The following TNPO1 variants were observed in gnomAD, a reference collection of about 807,000 sequenced individuals.
The protein encoded by TNPO1 is transportin-1.
TNPO1 carries 8 observed loss-of-function variants against 119.5 expected under a neutral mutation model. That is an observed-to-expected ratio of 0.07 (90% CI 0.04 to 0.12). The LOEUF is 0.12. TNPO1 is among the 10% of genes least tolerant of loss of function. The pLI is 1.00. For synonymous variants in TNPO1, 362 were observed against 363.0 expected (o/e 1.00, Z 0.03); for missense variants, 576 against 1,089.8 (o/e 0.53, Z 6.64).
chr5:72,848,800 G>T (rs1235161404), intron 2 of TNPO1, among the ~76,000 whole-genome samples: 2 of 148,852 alleles, frequency 1.3e-5, no homozygotes, highest in African/African-American at 4.9e-5. Flanking sequence ...CGACATGTGC[G>T]CGGGCCGGGC....
intron 1 of TNPO1, among the ~76,000 whole-genome samples, chr5:72,837,201 G>A (rs1744723489): frequency 6.6e-6 from 1 of 152,194 alleles, no homozygotes; most frequent in Admixed American, 6.5e-5. Context: ...TTTAGATTGG[G>A]TAATTTGTAA....
At chr5:72,882,376 A>C in intron 9 of TNPO1, 91 bp from the exon 10 acceptor site, 1 of 889,568 alleles carries the variant, frequency 1.1e-6, no homozygotes, top group Non-Finnish European at 1.7e-6. Flanking sequence ...TGATTATCTC[A>C]TTGGTTTTAT....
At chr5:72,854,194 C>A (rs1461147163) in intron 3 of TNPO1, among the ~76,000 whole-genome samples, 1 of 152,090 alleles carries the variant, frequency 6.6e-6, no homozygotes, top group African/African-American at 2.4e-5. Flanking sequence ...CAGTTTTTAA[C>A]TTTTAAGAGA....
intron 6 of TNPO1, among the ~76,000 whole-genome samples, chr5:72,867,438 A>C (rs1025425722): frequency 1.3e-5 from 2 of 152,200 alleles, no homozygotes; most frequent in Non-Finnish European, 2.9e-5. Context: ...AGAGTATAGG[A>C]AACTATATTG....
chr5:72,854,252 C>T lies in TNPO1; in HGVS notation c.206-1522C>T, dbSNP rs1251985541. Among the ~76,000 whole-genome samples the T allele has an allele frequency of 2.0e-5, 3 of 152,228 alleles. 1 individual carries two copies. The highest frequency in any genetic ancestry group is 4.1e-4 in the South Asian group (2 of 4,824). On this transcript the variant is annotated intron_variant, in intron 3 of 24. Coordinates refer to ENST00000337273, the MANE Select transcript of TNPO1 (RefSeq NM_002270.4). ...TTTGTTTTGGTTTGAGACGGAGTCT[C>T]GCAATGGGTTGTAATTGAAAATGGA...
intron 6 of TNPO1, among the ~76,000 whole-genome samples, chr5:72,868,971 G>C (rs1478072654): frequency 6.6e-6 from 1 of 152,056 alleles, no homozygotes; most frequent in Non-Finnish European, 1.5e-5. Flanking sequence ...TCGTGCCATT[G>C]CAACTCCAGC....
intron 1 of TNPO1, among the ~76,000 whole-genome samples, chr5:72,827,932 AG>A (rs1000509216): frequency 1.8e-4 from 28 of 151,406 alleles, no homozygotes; most frequent in African/African-American, 6.5e-4. Context: ...AAAAAAAAAA[AG>A]AGTTTTCTTT....
At chr5:72,875,594 A>C (rs781734400) in intron 7 of TNPO1, 21 bp from the exon 8 acceptor site, 2 of 1,607,580 alleles carry the variant, frequency 1.2e-6, no homozygotes, top group East Asian at 4.5e-5. Flanking sequence ...AAACTAGAAA[A>C]AATTATTTCT....
At chr5:72,883,503 G>A (rs966010287) in intron 11 of TNPO1, among the ~76,000 whole-genome samples, 1 of 152,178 alleles carries the variant, frequency 6.6e-6, no homozygotes, top group African/African-American at 2.4e-5. Context: ...GACATTTCAT[G>A]TAAATGGAGT....
intron 24 of TNPO1, 101 bp from the exon 25 acceptor site, chr5:72,908,608 A>G (rs1438903893): frequency 6.4e-6 from 1 of 156,096 alleles, no homozygotes; most frequent in Non-Finnish European, 1.4e-5. Flanking sequence ...TTTTCTTTAT[A>G]GGTAAAGATA....
intron 8 of TNPO1, among the ~76,000 whole-genome samples, chr5:72,876,585 A>C (rs1177349571): frequency 6.6e-6 from 1 of 152,196 alleles, no homozygotes; most frequent in Admixed American, 6.5e-5. Flanking sequence ...GTAGTTGTAG[A>C]GTCTTCATTT....
intron 9 of TNPO1, among the ~76,000 whole-genome samples, chr5:72,879,742 T>C (rs575879660): frequency 1.3e-5 from 2 of 152,350 alleles, no homozygotes; most frequent in South Asian, 4.1e-4. Flanking sequence ...TCAACATCAA[T>C]CTGATGCTGA....
chr5:72,888,050 C>T lies in TNPO1; in HGVS notation c.1304-28C>T, dbSNP rs545796546. On this transcript the variant is annotated intron_variant, in intron 12 of 24. Coordinates refer to ENST00000337273, the MANE Select transcript of TNPO1 (RefSeq NM_002270.4). ...CAAAATAATGTTAACTAAATTTTAGCATTTTGAAAGATTTATTTTTTTTCT... is the reference window on the plus strand; with the variant it reads ...CAAAATAATGTTAACTAAATTTTAGTATTTTGAAAGATTTATTTTTTTTCT... The T allele has an allele frequency of 1.9e-6, 3 of 1,591,112 alleles. No individual in the cohort carries two copies. In the South Asian group the frequency reaches 3.4e-5, roughly 18 times the overall value.
intron 24 of TNPO1, among the ~76,000 whole-genome samples, chr5:72,907,026 A>C (rs954906812): frequency 2.6e-4 from 40 of 152,172 alleles, no homozygotes; most frequent in South Asian, 2.1e-4. Context: ...CCAAGCTAAA[A>C]TTTAAATCTG....
At chr5:72,838,089 C>T (rs1411245883) in intron 1 of TNPO1, among the ~76,000 whole-genome samples, 1 of 152,098 alleles carries the variant, frequency 6.6e-6, no homozygotes, top group Non-Finnish European at 1.5e-5. Flanking sequence ...GCCTACTAAC[C>T]ACTTAACTTT....
chr5:72,894,595 C>T (rs748826844), intron 18 of TNPO1, among the ~76,000 whole-genome samples: 23 of 152,104 alleles, frequency 1.5e-4, no homozygotes, highest in Non-Finnish European at 2.6e-4. Context: ...CGCTTGAACC[C>T]GGGAGGCAGA....
intron 12 of TNPO1, 105 bp downstream of exon 12, chr5:72,887,327 T>A: frequency 2.3e-6 from 3 of 1,313,352 alleles, no homozygotes; most frequent in Non-Finnish European, 3.1e-6. Flanking sequence ...ACCAGATAAC[T>A]AGTATTAAAC....
At position 72,816,682 on chromosome 5, in the gene TNPO1, C is replaced by G; in HGVS notation, c.-56C>G. The G allele has an allele frequency of 6.6e-7, 1 of 1,524,460 alleles. No homozygotes were observed. The highest frequency in any genetic ancestry group is 8.8e-7 in the Non-Finnish European group (1 of 1,136,362). The allele number at this position is 1,524,460 out of a possible 1,614,324, so 94.4% of individuals were successfully genotyped here. On this transcript the variant is annotated 5_prime_UTR_variant, in exon 1 of 25. Coordinates refer to ENST00000337273, the MANE Select transcript of TNPO1 (RefSeq NM_002270.4). ...CTTTGTTCCGCAGCCATTTCAGGCC[C>G]CGGACAGGAGGCAGTGCCGCTTCGG...
At chr5:72,850,759 C>CT (rs1307146238) in intron 2 of TNPO1, among the ~76,000 whole-genome samples, 3 of 152,064 alleles carry the variant, frequency 2.0e-5, no homozygotes, top group Non-Finnish European at 4.4e-5. Flanking sequence ...ATAAATGGCA[C>CT]TTTATCTTTT....
Sources: allele counts gnomAD v4.1 joint callset (sites outside exome capture counted in the v4.1 genomes callset), GRCh38; gene constraint gnomAD v4.1.1; transcripts MANE v1.5; gene names NCBI Gene and HGNC (gene_info 2026-07-23, HGNC 2026-07-21).